Variants in FHIT observed in about 807,000 individuals in gnomAD.
The protein encoded by FHIT is bis(5'-adenosyl)-triphosphatase.
In FHIT, 19 loss-of-function variants were observed where a neutral mutation model predicts 17.9. That is an observed-to-expected ratio of 1.06 (90% CI 0.74 to 1.56). FHIT has a LOEUF of 1.56. Among genes scored for constraint, FHIT ranks in the 40% most tolerant of loss-of-function variants. FHIT has a pLI of 0.00. For synonymous variants in FHIT, 81 were observed against 69.7 expected, an observed-to-expected ratio of 1.16 and a Z score of -0.81; for missense variants, 248 against 189.2, an observed-to-expected ratio of 1.31 and a Z score of -1.82.
At chr3:59,842,183 T>C (rs188672649) in intron 8 of FHIT, among the ~76,000 whole-genome samples, 35 of 152,330 alleles carry the variant, frequency 2.3e-4, no homozygotes, top group African/African-American at 7.5e-4. Context: ...GACTGGCTTA[T>C]TGCACTTAGC....
At chr3:60,147,470 G>A (rs1296592133) in intron 5 of FHIT, among the ~76,000 whole-genome samples, 2 of 152,112 alleles carry the variant, frequency 1.3e-5, no homozygotes, top group African/African-American at 2.4e-5. Context: ...GTGCCTTTGC[G>A]CTCCCACCTC....
At chr3:60,130,781 TGTG>T (rs771777795) in intron 5 of FHIT, among the ~76,000 whole-genome samples, 274 of 12,686 alleles carry the variant, frequency 0.022, 2 homozygotes, top group East Asian at 0.076. Context: ...TGTGTGTGTG[TGTG>T]GTGTGTATAT....
Position 60,972,648 on chromosome 3 carries a change from T to C in FHIT, c.-111+69399A>G, listed in dbSNP as rs558827818. On this transcript the variant is annotated intron_variant, in intron 3 of 9. Coordinates refer to ENST00000492590, the MANE Select transcript of FHIT (RefSeq NM_002012.4). ...TTCTTTACTGCTATTCTTCAAATAA[T>C]ACTTATGCCCCATCTTCCCTGAAAT... Among the ~76,000 whole-genome samples the C allele has an allele frequency of 9.9e-5, 15 of 152,216 alleles. No homozygotes were observed. The South Asian group carries it at 2.7e-3, about 27-fold the overall frequency.
At chr3:60,510,882 A>G (rs2034926452) in intron 5 of FHIT, among the ~76,000 whole-genome samples, 1 of 152,234 alleles carries the variant, frequency 6.6e-6, no homozygotes, top group African/African-American at 2.4e-5. Context: ...TATATGTTGT[A>G]AATTCAATAG....
intron 5 of FHIT, among the ~76,000 whole-genome samples, chr3:60,052,853 C>T (rs1701936944): frequency 1.3e-5 from 2 of 149,874 alleles, no homozygotes; most frequent in Non-Finnish European, 3.0e-5. Context: ...AAGTATGTCC[C>T]GCGTAATATT....
chr3:60,203,197 G>A (rs1191246912), intron 5 of FHIT, among the ~76,000 whole-genome samples: 1 of 151,948 alleles, frequency 6.6e-6, no homozygotes, highest in African/African-American at 2.4e-5. Context: ...TTGCATTTTT[G>A]CAACTCCTGT....
intron 5 of FHIT, among the ~76,000 whole-genome samples, chr3:60,444,057 G>C (rs1397334830): frequency 6.6e-6 from 1 of 152,092 alleles, no homozygotes; most frequent in Non-Finnish European, 1.5e-5. Context: ...CTTCTCAAAA[G>C]AAGACATTTA....
At chr3:61,197,085 T>C (rs996359334) in intron 2 of FHIT, among the ~76,000 whole-genome samples, 4 of 152,194 alleles carry the variant, frequency 2.6e-5, no homozygotes, top group African/African-American at 9.7e-5. Context: ...GTTGTTGTTG[T>C]TTAATCTGTC....
chr3:60,889,345 T>C (rs1705383285), intron 3 of FHIT, among the ~76,000 whole-genome samples: 1 of 152,204 alleles, frequency 6.6e-6, no homozygotes, highest in Non-Finnish European at 1.5e-5. Flanking sequence ...CATTGTTCCA[T>C]CTGTAAGGGC....
chr3:59,995,190 T>C (rs1699455469), intron 7 of FHIT, among the ~76,000 whole-genome samples: 3 of 151,856 alleles, frequency 2.0e-5, no homozygotes, highest in Admixed American at 6.6e-5. Flanking sequence ...GAAAATCTGA[T>C]GTAGGCATTT....
intron 2 of FHIT, among the ~76,000 whole-genome samples, chr3:61,083,361 C>A (rs1308701736): frequency 1.3e-5 from 2 of 152,142 alleles, no homozygotes; most frequent in African/African-American, 4.8e-5. Flanking sequence ...GAGGCCGAGG[C>A]GGGCGGATCA....
At chr3:59,854,336 G>A (rs1373073194) in intron 8 of FHIT, among the ~76,000 whole-genome samples, 2 of 152,084 alleles carry the variant, frequency 1.3e-5, no homozygotes, top group African/African-American at 4.8e-5. Flanking sequence ...ACACAAATAC[G>A]TCTGATAAAT....
chr3:60,695,232 T>C (rs1279502262), intron 4 of FHIT, among the ~76,000 whole-genome samples: 1 of 151,986 alleles, frequency 6.6e-6, no homozygotes, highest in East Asian at 1.9e-4. Context: ...CCATCTCTAC[T>C]AAAAATACAA....
intron 5 of FHIT, among the ~76,000 whole-genome samples, chr3:60,091,630 T>C (rs141003914): frequency 6.6e-6 from 1 of 152,084 alleles, no homozygotes; most frequent in Non-Finnish European, 1.5e-5. Context: ...TGGGGCACGG[T>C]GAGAGGTGAT....
At chr3:60,085,630 C>T (rs1171764541) in intron 5 of FHIT, among the ~76,000 whole-genome samples, 3 of 152,152 alleles carry the variant, frequency 2.0e-5, no homozygotes, top group Non-Finnish European at 4.4e-5. Context: ...ACCTCATATA[C>T]AGTATTCTTT....
In FHIT at chr3:60,261,273, G is replaced by T. The variant is rs1010544192; in HGVS notation, c.104-247121C>A. ...AGAACCCTTTCTTAGGCTCTGGATT[G>T]GTACCCTTCCCAGTAACATATCCAC... On this transcript the variant is annotated intron_variant, in intron 5 of 9. Transcript: ENST00000492590. Among the ~76,000 whole-genome samples the T allele has an allele frequency of 4.6e-5, 7 of 151,838 alleles. No individual in the cohort carries two copies. The East Asian group carries it at 9.7e-4, about 21-fold the overall frequency.
intron 4 of FHIT, among the ~76,000 whole-genome samples, chr3:60,590,838 G>A (rs1438064400): frequency 6.6e-6 from 1 of 152,086 alleles, no homozygotes; most frequent in Admixed American, 6.6e-5. Context: ...AAGGGACAGA[G>A]CACAGGCTAT....
At chr3:60,571,356 A>AAAAAAAAAAAAAAAAAAG (rs1559549048) in intron 4 of FHIT, among the ~76,000 whole-genome samples, 1 of 143,042 alleles carries the variant, frequency 7.0e-6, no homozygotes, top group African/African-American at 2.5e-5. Flanking sequence ...AAAAAAAAAA[A>AAAAAAAAAAAAAAAAAAG]AAAAAAAGAA....
Position 60,884,721 on chromosome 3 carries a change from A to G in FHIT, c.-110-62710T>C, listed in dbSNP as rs190081790. 7.8e-3 allele frequency among the ~76,000 whole-genome samples: 1,181 copies of G among 152,062 alleles called. 8 individuals carry two copies. The highest frequency in any genetic ancestry group is 0.012 in the Non-Finnish European group (785 of 67,958). ...GGCTGAGGGAGGATTATTTGAGCCCAGGAGTTTGAGACCAGCCTGGGTAAT... is the reference window on the plus strand; with the variant it reads ...GGCTGAGGGAGGATTATTTGAGCCCGGGAGTTTGAGACCAGCCTGGGTAAT... On this transcript the variant is annotated intron_variant, in intron 3 of 9. Transcript: ENST00000492590.
Sources: gnomAD v4.1 joint callset for allele counts (sites outside exome capture counted in the v4.1 genomes callset) on GRCh38, gnomAD v4.1.1 for gene constraint, MANE v1.5 for transcripts, NCBI Gene and HGNC (gene_info 2026-07-23, HGNC 2026-07-21) for gene names.